The following NRXN1 variants were observed in gnomAD, a reference collection of about 807,000 sequenced individuals.
NRXN1 encodes neurexin 1, also known as neurexin-1.
NRXN1 carries 39 observed loss-of-function variants against 150.9 expected under a neutral mutation model. The ratio of observed to expected loss-of-function variants is 0.26; its 90% CI spans 0.20 to 0.34. The LOEUF is 0.34. NRXN1 is among the 10% of genes least tolerant of loss of function. The pLI, the probability that NRXN1 is intolerant of heterozygous loss-of-function variation, is 1.00. For missense variants in NRXN1, 1,815 were observed against 1,949.9 expected, an observed-to-expected ratio of 0.93 and a Z score of 1.30; for synonymous variants, 924 against 757.0, an observed-to-expected ratio of 1.22 and a Z score of -3.62.
intron 8 of NRXN1, among the ~76,000 whole-genome samples, chr2:50,604,138 T>C (rs1676720317): frequency 1.3e-5 from 2 of 152,236 alleles, no homozygotes; most frequent in African/African-American, 4.8e-5. Flanking sequence ...TTAGGCTCTT[T>C]TGATCATTTA....
At chr2:50,501,243 T>G (rs1361599979) in intron 13 of NRXN1, among the ~76,000 whole-genome samples, 1 of 152,088 alleles carries the variant, frequency 6.6e-6, no homozygotes, top group African/African-American at 2.4e-5. Context: ...CTACAGAGCA[T>G]GGCTGGAGAG....
chr2:50,389,213 G>C (rs1216447097), intron 17 of NRXN1, among the ~76,000 whole-genome samples: 1 of 150,456 alleles, frequency 6.6e-6, no homozygotes, highest in Non-Finnish European at 1.5e-5. Flanking sequence ...ATGTGTGCAA[G>C]CACAACATCA....
intron 18 of NRXN1, among the ~76,000 whole-genome samples, chr2:50,091,716 T>C: frequency 6.6e-6 from 1 of 152,192 alleles, no homozygotes; most frequent in East Asian, 1.9e-4. Context: ...AGGCACACTT[T>C]CAAGGGAATT....
chr2:49,923,719 CGT>C (rs374281286), intron 22 of NRXN1, among the ~76,000 whole-genome samples: 1,864 of 151,560 alleles, frequency 0.012, 25 homozygotes, highest in Non-Finnish European at 0.017. Context: ...TTTGCCTAAA[CGT>C]GTGTGTGTGT....
At chr2:50,358,145 C>G (rs1176936114) in intron 17 of NRXN1, among the ~76,000 whole-genome samples, 2 of 152,186 alleles carry the variant, frequency 1.3e-5, no homozygotes, top group Admixed American at 6.5e-5. Flanking sequence ...AAGCACAAAA[C>G]TAGGTGGCTG....
chr2:50,004,716 A>G (rs1684486894), intron 21 of NRXN1, among the ~76,000 whole-genome samples: 1 of 152,180 alleles, frequency 6.6e-6, no homozygotes, highest in South Asian at 2.1e-4. Context: ...GTAATAATGT[A>G]GTTAAGTTGA....
intron 17 of NRXN1, among the ~76,000 whole-genome samples, chr2:50,461,360 C>T (rs1209822088): frequency 1.3e-5 from 2 of 151,962 alleles, no homozygotes; most frequent in Non-Finnish European, 2.9e-5. Context: ...TGGTAACAGA[C>T]ACTGTTGAAG....
chr2:50,138,715 C>T (rs1574116476), intron 18 of NRXN1, among the ~76,000 whole-genome samples: 1 of 152,176 alleles, frequency 6.6e-6, no homozygotes, highest in Admixed American at 6.5e-5. Flanking sequence ...ACAGTGGTTA[C>T]TGTGGGCTGT....
At chr2:50,637,925 A>C (rs983339936) in intron 5 of NRXN1, among the ~76,000 whole-genome samples, 5 of 152,094 alleles carry the variant, frequency 3.3e-5, no homozygotes, top group Non-Finnish European at 5.9e-5. Context: ...TCTCTTTTTT[A>C]GTTTTACCTT....
At chr2:50,024,222 T>C (rs1687957339) in intron 21 of NRXN1, 1 of 152,194 alleles carries the variant, frequency 6.6e-6, no homozygotes, top group Non-Finnish European at 1.5e-5. Context: ...ATATGCCTGA[T>C]AGACCACGGT....
At chr2:50,230,009 G>A (rs1018751866) in intron 18 of NRXN1, among the ~76,000 whole-genome samples, 4 of 151,994 alleles carry the variant, frequency 2.6e-5, no homozygotes, top group African/African-American at 7.2e-5. Flanking sequence ...ACAAAGCAGT[G>A]GGTCAAAAGG....
At chr2:51,014,660 C>G (rs1216091673) in intron 2 of NRXN1, among the ~76,000 whole-genome samples, 3 of 151,880 alleles carry the variant, frequency 2.0e-5, no homozygotes, top group Non-Finnish European at 2.9e-5. Flanking sequence ...AGAGTCTGGC[C>G]TCAGGATTTA....
chr2:50,207,939 C>T (rs893117436), intron 18 of NRXN1, among the ~76,000 whole-genome samples: 2 of 152,040 alleles, frequency 1.3e-5, no homozygotes, highest in African/African-American at 2.4e-5. Flanking sequence ...GGTTTGAAGA[C>T]CTGCTTTTCC....
intron 2 of NRXN1, among the ~76,000 whole-genome samples, chr2:50,931,247 C>T (rs992316457): frequency 2.0e-5 from 3 of 152,012 alleles, no homozygotes; most frequent in African/African-American, 7.2e-5. Flanking sequence ...CATCTTACTA[C>T]AGATGTTTTT....
intron 5 of NRXN1, among the ~76,000 whole-genome samples, chr2:50,891,991 C>T (rs550370857): frequency 1.3e-5 from 2 of 152,076 alleles, no homozygotes; most frequent in South Asian, 4.2e-4. Context: ...CTTAAGGTAT[C>T]CAATATTATC....
Position 50,140,967 on chromosome 2 carries a change from CTTCT to C in NRXN1, c.3547-49477_3547-49474del, listed in dbSNP as rs1488818414. On this transcript the variant is annotated intron_variant, in intron 18 of 22. Coordinates refer to ENST00000401669, the MANE Select transcript of NRXN1 (RefSeq NM_001330078.2). Reference sequence around the variant, plus strand: ...TTCATATGTATATACGTATAATTTTCTTCTTTCTGTGTTTACATATATAAAGCAC... The same window carrying C: ...TTCATATGTATATACGTATAATTTTCTTCTGTGTTTACATATATAAAGCAC... 4.0e-5 allele frequency among the ~76,000 whole-genome samples: 6 copies of C among 151,840 alleles called. No individual in the cohort carries two copies. The East Asian group carries it at 9.7e-4, about 24-fold the overall frequency.
chr2:50,252,258 C>CTTTTTTTTTTTTTTTTTTT (rs143522284), intron 17 of NRXN1, among the ~76,000 whole-genome samples: 2 of 69,708 alleles, frequency 2.9e-5, no homozygotes, highest in African/African-American at 6.0e-5. Flanking sequence ...TTTTTCTTTT[C>CTTTTTTTTTTTTTTTTTTT]TTTTTTTTTT....
chr2:50,274,478 C>T (rs1449002286), intron 17 of NRXN1, among the ~76,000 whole-genome samples: 6 of 152,008 alleles, frequency 3.9e-5, no homozygotes, highest in African/African-American at 7.2e-5. Context: ...TGGGTTGATG[C>T]GTGCAGCAAA....
intron 5 of NRXN1, among the ~76,000 whole-genome samples, chr2:50,668,458 G>T (rs1294456006): frequency 1.3e-5 from 2 of 151,968 alleles, no homozygotes; most frequent in African/African-American, 4.8e-5. Flanking sequence ...AGGAATAATT[G>T]CATATCATGC....
Sources: gnomAD v4.1 joint callset for allele counts (sites outside exome capture counted in the v4.1 genomes callset) on GRCh38, gnomAD v4.1.1 for gene constraint, MANE v1.5 for transcripts, NCBI Gene and HGNC (gene_info 2026-07-23, HGNC 2026-07-21) for gene names.